CFAP61: variants seen among roughly 807,000 people sequenced by gnomAD.
CFAP61 encodes cilia- and flagella-associated protein 61.
In CFAP61, 107 loss-of-function variants were observed where a neutral mutation model predicts 135.6. The observed-to-expected ratio is 0.79, with a 90% confidence interval of 0.67 to 0.93. The LOEUF is 0.93. Among genes scored for constraint, CFAP61 ranks in the 40% least tolerant of loss-of-function variants. CFAP61 has a pLI of 0.00. For synonymous variants in CFAP61, 575 were observed against 578.5 expected (o/e 0.99, Z 0.09); for missense variants, 1,507 against 1,556.2 (o/e 0.97, Z 0.53).
chr20:20,149,543 AG>A, intron 9 of CFAP61, among the ~76,000 whole-genome samples: 1 of 152,212 alleles, frequency 6.6e-6, no homozygotes, highest in Non-Finnish European at 1.5e-5. Flanking sequence ...CCAAAGTGTG[AG>A]GGGGGAAACT....
intron 25 of CFAP61, among the ~76,000 whole-genome samples, chr20:20,327,972 G>A (rs1020404201): frequency 1.2e-4 from 19 of 152,080 alleles, no homozygotes; most frequent in East Asian, 1.9e-4. Context: ...AGTCTTGGGC[G>A]TCAACACCCC....
intron 25 of CFAP61, among the ~76,000 whole-genome samples, chr20:20,305,456 G>A (rs1233262148): frequency 1.3e-5 from 2 of 152,204 alleles, no homozygotes; most frequent in Non-Finnish European, 2.9e-5. Flanking sequence ...CTACATTCCA[G>A]GTGCCTGTTT....
chr20:20,129,983 T>C (rs1397818204), intron 8 of CFAP61, among the ~76,000 whole-genome samples: 2 of 151,774 alleles, frequency 1.3e-5, no homozygotes, highest in African/African-American at 4.9e-5. Flanking sequence ...ATTGCTCTTT[T>C]GTGTTATCTT....
intron 25 of CFAP61, chr20:20,323,413 C>A: frequency 3.7e-6 from 2 of 534,518 alleles, no homozygotes; most frequent in African/African-American, 2.1e-5. Context: ...ATAGACCCAT[C>A]TCTTAAAAAA....
In CFAP61 at chr20:20,139,615, G is replaced by A. The variant is rs138332574; in HGVS notation, c.860-3242G>A. 7.3e-4 allele frequency among the ~76,000 whole-genome samples: 111 copies of A among 152,186 alleles called. 1 individual carries two copies. Among genetic ancestry groups the A allele is most frequent in the African/African-American group, 2.5e-3 (102 of 41,520 alleles). On this transcript the variant is annotated intron_variant, in intron 8 of 26. Coordinates refer to ENST00000245957, the MANE Select transcript of CFAP61 (RefSeq NM_015585.4). ...TATGAACATTAAGTAATTAAACCTCGCAAGACCCCAGAGACACTGGAGAGA... is the reference window on the plus strand; with the variant it reads ...TATGAACATTAAGTAATTAAACCTCACAAGACCCCAGAGACACTGGAGAGA...
chr20:20,241,260 A>C (rs1463762392), intron 18 of CFAP61, among the ~76,000 whole-genome samples: 3 of 152,138 alleles, frequency 2.0e-5, no homozygotes, highest in African/African-American at 7.2e-5. Flanking sequence ...TGCTCACCCG[A>C]GTATGAGGAA....
At chr20:20,055,183 TTTTG>T (rs2044211505) in intron 1 of CFAP61, among the ~76,000 whole-genome samples, 1 of 152,226 alleles carries the variant, frequency 6.6e-6, no homozygotes, top group African/African-American at 2.4e-5. Flanking sequence ...TTCTCATGAC[TTTTG>T]TTTCTCTTTC....
intron 17 of CFAP61, chr20:20,214,506 C>G (rs1228104960): frequency 1.3e-5 from 2 of 152,280 alleles, no homozygotes; most frequent in Non-Finnish European, 2.9e-5. Context: ...TCGCAGTGAT[C>G]TCTTAGTTTC....
chr20:20,336,492 G>A (rs1267304053), intron 25 of CFAP61, among the ~76,000 whole-genome samples: 1 of 152,024 alleles, frequency 6.6e-6, no homozygotes, highest in African/African-American at 2.4e-5. Context: ...AGGTGTGATG[G>A]TGTGCACCTA....
intron 26 of CFAP61, among the ~76,000 whole-genome samples, chr20:20,357,863 G>A (rs1186411045): frequency 1.4e-4 from 20 of 140,506 alleles, no homozygotes; most frequent in African/African-American, 4.9e-4. Context: ...TGTGAGGGGA[G>A]GTGGTCACAC....
chr20:20,293,147 T>C (rs572006124), intron 24 of CFAP61, among the ~76,000 whole-genome samples: 1 of 152,358 alleles, frequency 6.6e-6, no homozygotes, highest in African/African-American at 2.4e-5. Context: ...CATATTGGAC[T>C]TGGTTTCAGC....
chr20:20,276,679 G>A (rs1424019928), intron 21 of CFAP61, among the ~76,000 whole-genome samples: 2 of 152,072 alleles, frequency 1.3e-5, no homozygotes, highest in Non-Finnish European at 2.9e-5. Flanking sequence ...AGAATGTTCT[G>A]GCCTTTAATT....
At chr20:20,128,882 A>G (rs933060282) in intron 8 of CFAP61, among the ~76,000 whole-genome samples, 1 of 151,718 alleles carries the variant, frequency 6.6e-6, no homozygotes, top group African/African-American at 2.4e-5. Flanking sequence ...AAATCAAAGA[A>G]AAATCTAGAA....
intron 17 of CFAP61, among the ~76,000 whole-genome samples, chr20:20,202,359 C>G (rs1461484614): frequency 6.6e-6 from 1 of 152,152 alleles, no homozygotes; most frequent in Non-Finnish European, 1.5e-5. Flanking sequence ...TATTGCTACT[C>G]ATTGTACTCA....
chr20:20,215,728 C>T (rs2048002390), intron 17 of CFAP61, among the ~76,000 whole-genome samples: 1 of 152,124 alleles, frequency 6.6e-6, no homozygotes, highest in Non-Finnish European at 1.5e-5. Flanking sequence ...TTTCAAGAAA[C>T]ATTTCAATTG....
chr20:20,102,355 A>G (rs891074275), intron 8 of CFAP61, among the ~76,000 whole-genome samples: 13 of 152,168 alleles, frequency 8.5e-5, no homozygotes, highest in African/African-American at 3.1e-4. Flanking sequence ...GAGTATAAAT[A>G]CCCCAGCTCC....
At chr20:20,288,585 T>A in intron 22 of CFAP61, 24 bp from the exon 23 acceptor site, 1 of 1,573,160 alleles carries the variant, frequency 6.4e-7, no homozygotes, top group Non-Finnish European at 8.7e-7. Flanking sequence ...TAACTGAATA[T>A]TGCTGTAATT....
chr20:20,263,465 A>G (rs1394294559), intron 21 of CFAP61, among the ~76,000 whole-genome samples: 1 of 127,402 alleles, frequency 7.8e-6, no homozygotes, highest in African/African-American at 2.8e-5. Flanking sequence ...AATTATATGG[A>G]AAATATGTCT....
intron 2 of CFAP61, 47 bp from the exon 3 acceptor site, chr20:20,070,807 A>T: frequency 6.3e-7 from 1 of 1,579,710 alleles, no homozygotes; most frequent in Non-Finnish European, 8.6e-7. Flanking sequence ...TCCTCACCTC[A>T]CTTTTTGTAA....
Sources: gnomAD v4.1 joint callset for allele counts (sites outside exome capture counted in the v4.1 genomes callset) on GRCh38, gnomAD v4.1.1 for gene constraint, MANE v1.5 for transcripts, NCBI Gene and HGNC (gene_info 2026-07-23, HGNC 2026-07-21) for gene names.